Variants in AGK observed in about 807,000 individuals in gnomAD.
AGK encodes the protein acylglycerol kinase.
A neutral mutation model predicts 66.4 loss-of-function variants in AGK; 52 were observed. That is an observed-to-expected ratio of 0.78 (90% CI 0.63 to 0.99). AGK has a LOEUF of 0.99. AGK is among the 50% of genes least tolerant of loss of function. The probability of loss-of-function intolerance (pLI) is 0.00; values close to 1 mark genes in which losing one functional copy is unlikely to be tolerated. For synonymous variants in AGK, 182 were observed against 181.1 expected, an observed-to-expected ratio of 1.00 and a Z score of -0.04; for missense variants, 451 against 506.6, an observed-to-expected ratio of 0.89 and a Z score of 1.05.
At chr7:141,564,736 C>CT (rs538285569) in intron 2 of AGK, among the ~76,000 whole-genome samples, 22 of 149,478 alleles carry the variant, frequency 1.5e-4, no homozygotes, top group Non-Finnish European at 2.2e-4. Context: ...TCCTTTGTTA[C>CT]TTTTTTTTTT....
rs569168533 is a variant in AGK, at chr7:141,598,785, C to A, written c.221+2144C>A. On this transcript the variant is annotated intron_variant, in intron 4 of 15. Coordinates refer to ENST00000649286, the MANE Select transcript of AGK (RefSeq NM_018238.4). The surrounding 1 kb of genome is among the most constrained non-coding windows in gnomAD (Gnocchi z 4.2). ...TGTAACTCTTCTATTCCTTTAGAGA[C>A]CTAATAAATTAACAACCTGCTAATT... 9.7e-4 allele frequency among the ~76,000 whole-genome samples: 148 copies of A among 152,266 alleles called. No homozygotes were observed. Among genetic ancestry groups the A allele is most frequent in the Middle Eastern group, 3.4e-3 (1 of 294 alleles).
intron 2 of AGK, among the ~76,000 whole-genome samples, chr7:141,584,904 C>T (rs1795964342): frequency 6.6e-6 from 1 of 152,136 alleles, no homozygotes; most frequent in Non-Finnish European, 1.5e-5. Context: ...AGGATTTCTT[C>T]CTGACCGTTT....
At position 141,596,440 on chromosome 7, in the gene AGK, T is replaced by C. The variant is rs1796227193; in HGVS notation, c.142-122T>C. 5 of 753,402 alleles carry C rather than the reference T, an allele frequency of 6.6e-6. No individual in the cohort carries two copies. In the Admixed American group the frequency reaches 9.8e-5, roughly 15 times the overall value. The allele number at this position is 753,402 out of a possible 1,614,324, so 46.7% of individuals were successfully genotyped here. On this transcript the variant is annotated intron_variant, in intron 3 of 15. Transcript: ENST00000649286. ...GTTAATATGAGATCATGAAAGAATA[T>C]TTTTCCCCAAGGGTAGATACCTTAT...
At chr7:141,590,031 AAATT>A (rs1453857341) in intron 2 of AGK, among the ~76,000 whole-genome samples, 4 of 152,350 alleles carry the variant, frequency 2.6e-5, no homozygotes, top group African/African-American at 7.2e-5. Context: ...AAATTAATCA[AAATT>A]AATAAACTCA....
chr7:141,611,208 G>C lies in AGK; in HGVS notation c.311G>C (p.Gly104Ala). The C allele has an allele frequency of 3.1e-6, 5 of 1,612,912 alleles. No individual in the cohort carries two copies. The highest frequency in any genetic ancestry group is 4.2e-6 in the Non-Finnish European group (5 of 1,179,328). ...DVTIVKTDYEGQAKKLLELME... is the reference protein window; with the variant it reads ...DVTIVKTDYEAQAKKLLELME... ...TTGGTATTTCAGACAGATTATGAGGGACAAGCCAAGAAACTCCTGGAACTG... is the reference window on the plus strand; with the variant it reads ...TTGGTATTTCAGACAGATTATGAGGCACAAGCCAAGAAACTCCTGGAACTG... The change falls in exon 6 of 16, where the codon GGA becomes GCA. Residue 104 changes from glycine (G) to alanine (A), a missense_variant. Transcript: ENST00000649286.
chr7:141,641,192 C>A, intron 11 of AGK, 56 bp from the exon 12 acceptor site: 1 of 1,531,522 alleles, frequency 6.5e-7, no homozygotes, highest in Non-Finnish European at 8.8e-7. Context: ...CAGAGAGAAA[C>A]TCCCAGAGTG....
intron 5 of AGK, among the ~76,000 whole-genome samples, chr7:141,604,374 G>GTGTGTA (rs1554400830): frequency 8.8e-6 from 1 of 113,826 alleles, no homozygotes; most frequent in African/African-American, 3.4e-5. Context: ...GTGTGTGTGT[G>GTGTGTA]TATATATATA....
At chr7:141,640,953 A>G (rs1481911055) in intron 11 of AGK, among the ~76,000 whole-genome samples, 1 of 152,132 alleles carries the variant, frequency 6.6e-6, no homozygotes. Flanking sequence ...ATTACGGATG[A>G]CCCTATGTTC....
At chr7:141,637,147 A>G (rs1246110558) in intron 11 of AGK, 130 bp downstream of exon 11, 2 of 669,746 alleles carry the variant, frequency 3.0e-6, no homozygotes, top group Non-Finnish European at 5.0e-6. Flanking sequence ...AAAACAGGGC[A>G]TGTTTGATTA....
intron 5 of AGK, among the ~76,000 whole-genome samples, chr7:141,607,449 G>A (rs1796488287): frequency 1.3e-5 from 2 of 152,014 alleles, no homozygotes; most frequent in Admixed American, 1.3e-4. Context: ...GTAGATCTTT[G>A]GTGAGGTGTC....
At chr7:141,553,375 TTCC>T (rs1409492659) in intron 1 of AGK, among the ~76,000 whole-genome samples, 2 of 152,134 alleles carry the variant, frequency 1.3e-5, no homozygotes, top group African/African-American at 4.8e-5. Context: ...CTTTAGTGAT[TTCC>T]TCCTCATTAT....
In AGK at chr7:141,653,291, G is replaced by T. The variant is rs1797609413; in HGVS notation, c.*367G>T. ...CCTTCCATTTCTCTTCTTTGACCGTGCTAGGAATTCCAGGAAAGTGCATTC... is the reference window on the plus strand; with the variant it reads ...CCTTCCATTTCTCTTCTTTGACCGTTCTAGGAATTCCAGGAAAGTGCATTC... On this transcript the variant is annotated 3_prime_UTR_variant, in exon 16 of 16. Coordinates refer to ENST00000649286, the MANE Select transcript of AGK (RefSeq NM_018238.4). 1 of 186,464 alleles carries T rather than the reference G, an allele frequency of 5.4e-6. No individual in the cohort carries two copies. Among genetic ancestry groups the T allele is most frequent in the Admixed American group, 5.4e-5 (1 of 18,464 alleles). The allele number at this position is 186,464 out of a possible 1,614,324, so 11.6% of individuals were successfully genotyped here. A position where few individuals can be genotyped will look rare whatever the true frequency, so the allele number is the denominator to read the frequency against.
chr7:141,555,732 G>C lies in AGK; in HGVS notation c.101+165G>C, dbSNP rs1795198394. Among the ~76,000 whole-genome samples the C allele has an allele frequency of 6.6e-6, 1 of 152,226 alleles. No individual in the cohort carries two copies. Among genetic ancestry groups the C allele is most frequent in the African/African-American group, 2.4e-5 (1 of 41,446 alleles). ...AAAACAAAGACTTCTTGTAACCAGA[G>C]CTGGAACTACATGCATACTTATATC... On this transcript the variant is annotated intron_variant, in intron 2 of 15. Coordinates refer to ENST00000649286, the MANE Select transcript of AGK (RefSeq NM_018238.4). This position sits in a 1 kb window ranked among gnomAD's most constrained non-coding sequence, Gnocchi z 4.2.
chr7:141,611,727 A>AAG (rs1350328661), intron 6 of AGK, among the ~76,000 whole-genome samples: 1 of 152,206 alleles, frequency 6.6e-6, no homozygotes, highest in African/African-American at 2.4e-5. Flanking sequence ...CATTAATAGG[A>AAG]AGAGGTATAC....
chr7:141,639,515 G>T (rs1346628904), intron 11 of AGK, among the ~76,000 whole-genome samples: 1 of 152,184 alleles, frequency 6.6e-6, no homozygotes, highest in African/African-American at 2.4e-5. Flanking sequence ...CCCTGGACAG[G>T]ACAAGGGGCA....
Position 141,611,224 on chromosome 7 carries a change from C to T in AGK, c.327C>T (p.Leu109=), listed in dbSNP as rs148971840. Residue 109 remains leucine (L), a synonymous_variant, in exon 6 of 16, where the codon CTC becomes CTT. Coordinates refer to ENST00000649286, the MANE Select transcript of AGK (RefSeq NM_018238.4). ...KTDYEGQAKK[L]LELMENTDVI... is the part of the protein sequence containing the mutation. ...ATTATGAGGGACAAGCCAAGAAACTCCTGGAACTGATGGAAAACACGGATG... is the reference window on the plus strand; with the variant it reads ...ATTATGAGGGACAAGCCAAGAAACTTCTGGAACTGATGGAAAACACGGATG... 22 of 1,613,222 alleles carry T rather than the reference C, an allele frequency of 1.4e-5. No individual in the cohort carries two copies. The highest frequency in any genetic ancestry group is 5.3e-5 in the African/African-American group (4 of 74,834).
chr7:141,643,382 C>G (rs1797332717), intron 13 of AGK, among the ~76,000 whole-genome samples: 1 of 152,106 alleles, frequency 6.6e-6, no homozygotes, highest in African/African-American at 2.4e-5. Flanking sequence ...AGGGTAAAAT[C>G]TAAGTGATTA....
chr7:141,579,372 G>T (rs1349319281), intron 2 of AGK, among the ~76,000 whole-genome samples: 1 of 149,158 alleles, frequency 6.7e-6, no homozygotes, highest in Non-Finnish European at 1.5e-5. Flanking sequence ...GATTTGACTA[G>T]TAAAGGCCGG....
At chr7:141,617,582 A>T (rs1017551990) in intron 8 of AGK, among the ~76,000 whole-genome samples, 1 of 152,186 alleles carries the variant, frequency 6.6e-6, no homozygotes, top group Admixed American at 6.5e-5. Context: ...AAGAATTTTG[A>T]ATTTGGAATG....
Sources: gnomAD v4.1 joint callset for allele counts (sites outside exome capture counted in the v4.1 genomes callset) on GRCh38, gnomAD v4.1.1 for gene constraint, Gnocchi (gnomAD v3.1) non-coding constraint, MANE v1.5 for transcripts, NCBI Gene and HGNC (gene_info 2026-07-23, HGNC 2026-07-21) for gene names.